Variants in ZNF197 observed in about 807,000 individuals in gnomAD.
ZNF197 encodes VHL-associated KRAB-A domain-containing protein.
Under a neutral mutation model 27.4 loss-of-function variants are expected in ZNF197, and 14 were observed. That is an observed-to-expected ratio of 0.51 (90% CI 0.34 to 0.80). The LOEUF is 0.80. Ranked by LOEUF, ZNF197 falls within the 30% of genes least tolerant of loss-of-function variation. ZNF197 has a pLI of 0.02. For synonymous variants in ZNF197, 415 were observed against 420.0 expected (o/e 0.99, Z 0.15); for missense variants, 1,090 against 1,222.6 (o/e 0.89, Z 1.62).
At position 44,643,592 on chromosome 3, in the gene ZNF197, A is replaced by G. The variant is rs747505805; in HGVS notation, c.2462A>G (p.Asn821Ser). 16 of 1,614,096 alleles carry G rather than the reference A, an allele frequency of 9.9e-6. No homozygotes were observed. Among genetic ancestry groups the G allele is most frequent in the Admixed American group, 5.0e-5 (3 of 60,006 alleles). ...IHTREKSYKC[N>S]DCGKVFSYRS... ...ACGAGGGAAAAATCTTATAAATGCA[A>G]TGACTGTGGGAAGGTCTTCAGTTAC... Residue 821 changes from asparagine to serine, a missense_variant, in exon 6 of 6, where the codon AAT becomes AGT. Physicochemically the swap from Asn to Ser is conservative, Grantham distance 46. Transcript: ENST00000344387.
Position 44,631,171 on chromosome 3 carries a change from C to A in ZNF197, c.500C>A (p.Pro167Gln), listed in dbSNP as rs537023025. 1 of 1,613,972 alleles carries A rather than the reference C, an allele frequency of 6.2e-7. No homozygotes were observed. The highest frequency in any genetic ancestry group is 8.5e-7 in the Non-Finnish European group (1 of 1,180,016). The change falls in exon 3 of 6, where the codon CCG becomes CAG. Residue 167 changes from proline (P) to glutamine (Q), a missense_variant. By Grantham distance (76) the Pro-to-Gln change is moderately conservative (BLOSUM62 -1). Transcript: ENST00000344387. ...AGCCACATAGCAGCTGAAATTTGCC[C>A]GCATCCTCCTACTGACCTAGTGGCA... is the stretch of plus-strand genomic sequence containing the variant. ...PGSHIAAEICPHPPTDLVAFN... is the reference protein window; with the variant it reads ...PGSHIAAEICQHPPTDLVAFN...
chr3:44,641,766 T>A, intron 5 of ZNF197, 134 bp from the exon 6 acceptor site: 2 of 1,044,626 alleles, frequency 1.9e-6, no homozygotes, highest in South Asian at 1.9e-5. Flanking sequence ...TGTACCTTCC[T>A]TTAATGAAAA....
At chr3:44,626,250 AT>A (rs1301877552) in intron 1 of ZNF197, among the ~76,000 whole-genome samples, 1 of 152,190 alleles carries the variant, frequency 6.6e-6, no homozygotes, top group African/African-American at 2.4e-5. Flanking sequence ...TGTTTAGACT[AT>A]TAGAAAAACC....
Position 44,644,881 on chromosome 3 carries a change from A to C in ZNF197, c.*661A>C, listed in dbSNP as rs1222568128. The C allele has an allele frequency of 2.1e-6, 2 of 966,754 alleles. No individual in the cohort carries two copies. The allele number at this position is 966,754 out of a possible 1,614,324, so 59.9% of individuals were successfully genotyped here. ...TAAATAAAAATAAATTTATTAATAA[A>C]ACTAAAAATTTAATAATAAAAAGTG... On this transcript the variant is annotated 3_prime_UTR_variant, in exon 6 of 6. Transcript: ENST00000344387.
Position 44,646,326 on chromosome 3 carries a change from T to G in ZNF197, c.*2106T>G, listed in dbSNP as rs949860284. On this transcript the variant is annotated 3_prime_UTR_variant, in exon 6 of 6. Transcript: ENST00000344387. The stretch of plus-strand genomic sequence containing the variant: ...TTATATAATAATTACAAAGGACATA[T>G]GTACTTTAACAATGGAGAATGCTGT... 45 of 985,442 alleles carry G rather than the reference T, an allele frequency of 4.6e-5. No individual in the cohort carries two copies. The African/African-American group carries it at 7.1e-4, about 16-fold the overall frequency. The allele number at this position is 985,442 out of a possible 1,614,324, so 61.0% of individuals were successfully genotyped here.
Position 44,629,118 on chromosome 3 carries a change from A to G in ZNF197, c.-37A>G, listed in dbSNP as rs1701831162. 6.4e-7 allele frequency: 1 copy of G among 1,567,490 alleles called. No homozygotes were observed. Among genetic ancestry groups the G allele is most frequent in the Admixed American group, 1.9e-5 (1 of 51,898 alleles). On this transcript the variant is annotated 5_prime_UTR_variant, in exon 2 of 6. Transcript: ENST00000344387. ...AAGGAAGAAGTCAAGGATTAAGGAG[A>G]CCTGGACTGGAGAGGAGCCTTTTTC... is the stretch of plus-strand genomic sequence containing the variant.
chr3:44,638,639 C>T (rs1176585377), intron 5 of ZNF197, among the ~76,000 whole-genome samples: 1 of 152,140 alleles, frequency 6.6e-6, no homozygotes, highest in African/African-American at 2.4e-5. Flanking sequence ...AGCAGACAGC[C>T]TTTTCTTGTT....
chr3:44,641,814 C>T, intron 5 of ZNF197, 86 bp from the exon 6 acceptor site: 10 of 1,423,050 alleles, frequency 7.0e-6, no homozygotes, highest in South Asian at 3.2e-5. Context: ...GTGTGCCTTC[C>T]TAGAATGTTT....
At position 44,645,932 on chromosome 3, in the gene ZNF197, C is replaced by T. The variant is rs760071281; in HGVS notation, c.*1712C>T. Reference sequence around the variant, plus strand: ...AGTTGGTAATTTTTATGTTGTAATTCTCAAAGTTCTGTTTCTGTAGCTGGA... The same window carrying T: ...AGTTGGTAATTTTTATGTTGTAATTTTCAAAGTTCTGTTTCTGTAGCTGGA... On this transcript the variant is annotated 3_prime_UTR_variant, in exon 6 of 6. Transcript: ENST00000344387. 5.1e-6 allele frequency: 5 copies of T among 985,256 alleles called. No homozygotes were observed. The highest frequency in any genetic ancestry group is 3.5e-5 in the African/African-American group (2 of 57,232). The allele number at this position is 985,256 out of a possible 1,614,324, so 61.0% of individuals were successfully genotyped here.
intron 5 of ZNF197, among the ~76,000 whole-genome samples, chr3:44,633,182 C>G (rs1233304136): frequency 1.3e-5 from 2 of 151,998 alleles, no homozygotes; most frequent in Non-Finnish European, 2.9e-5. Context: ...CTGAGTAATC[C>G]CACAATTCTA....
intron 5 of ZNF197, among the ~76,000 whole-genome samples, chr3:44,637,211 C>T (rs1162178749): frequency 6.6e-6 from 1 of 152,180 alleles, no homozygotes; most frequent in Non-Finnish European, 1.5e-5. Flanking sequence ...TTACTGCAGC[C>T]TTGAATTCCT....
At position 44,644,465 on chromosome 3, in the gene ZNF197, C is replaced by A. The variant is rs946994441; in HGVS notation, c.*245C>A. The A allele has an allele frequency of 1.1e-4, 104 of 948,810 alleles. No homozygotes were observed. In the African/African-American group the frequency reaches 1.6e-3, roughly 15 times the overall value. The allele number at this position is 948,810 out of a possible 1,614,324, so 58.8% of individuals were successfully genotyped here. On this transcript the variant is annotated 3_prime_UTR_variant, in exon 6 of 6. Transcript: ENST00000344387. Reference sequence around the variant, plus strand: ...ACCAGCCTGACCAACATGGTGAAACCCCATCTCTACTAAAATACAAAAATT... The same window carrying A: ...ACCAGCCTGACCAACATGGTGAAACACCATCTCTACTAAAATACAAAAATT...
At chr3:44,631,846 A>G (rs1344813364) in intron 3 of ZNF197, among the ~76,000 whole-genome samples, 2 of 152,032 alleles carry the variant, frequency 1.3e-5, no homozygotes, top group African/African-American at 4.8e-5. Flanking sequence ...GACTACAGGC[A>G]CGTGCCACCA....
chr3:44,636,827 C>T lies in ZNF197; in HGVS notation c.769+4228C>T, dbSNP rs531515239. Reference sequence around the variant, plus strand: ...CACCATTTTACACTCCTTCCAGCAGCGTATAAGGGTTCCTGTTTCTCTGCA... The same window carrying T: ...CACCATTTTACACTCCTTCCAGCAGTGTATAAGGGTTCCTGTTTCTCTGCA... On this transcript the variant is annotated intron_variant, in intron 5 of 5. Transcript: ENST00000344387. Among the ~76,000 whole-genome samples, 4 of 152,252 alleles carry T rather than the reference C, an allele frequency of 2.6e-5. No homozygotes were observed. In the East Asian group the frequency reaches 7.7e-4, roughly 29 times the overall value.
chr3:44,636,801 G>A (rs955702078), intron 5 of ZNF197, among the ~76,000 whole-genome samples: 2 of 152,134 alleles, frequency 1.3e-5, no homozygotes, highest in African/African-American at 2.4e-5. Context: ...CAAAGCAACT[G>A]CACCATTTTA....
In ZNF197 at chr3:44,643,299, C is replaced by T. The variant is rs775031017; in HGVS notation, c.2169C>T (p.Val723=). Residue 723 remains valine (V), a synonymous_variant, in exon 6 of 6, where the codon GTC becomes GTT. Coordinates refer to ENST00000344387, the MANE Select transcript of ZNF197 (RefSeq NM_006991.5). The stretch of plus-strand genomic sequence containing the variant: ...TTATTATGAGCAAAAGTTTTATGGT[C>T]CATCAGAAACTCCATACACAAGAGA... ...KTFIMSKSFM[V]HQKLHTQEKA... The T allele has an allele frequency of 6.2e-7, 1 of 1,613,594 alleles. No homozygotes were observed. Among genetic ancestry groups the T allele is most frequent in the Non-Finnish European group, 8.5e-7 (1 of 1,179,904 alleles).
Position 44,645,354 on chromosome 3 carries a change from T to TA in ZNF197, c.*1135dup. On this transcript the variant is annotated 3_prime_UTR_variant, in exon 6 of 6. Coordinates refer to ENST00000344387, the MANE Select transcript of ZNF197 (RefSeq NM_006991.5). Reference sequence around the variant, plus strand: ...AGGGGGATTCCAGGAACCTAAAAGATACTCATTTTCATAAGAGGAAGTATG... The same window carrying TA: ...AGGGGGATTCCAGGAACCTAAAAGATAACTCATTTTCATAAGAGGAAGTATG... 1.0e-6 allele frequency: 1 copy of TA among 984,808 alleles called. No homozygotes were observed. Among genetic ancestry groups the TA allele is most frequent in the East Asian group, 1.1e-4 (1 of 8,816 alleles). The allele number at this position is 984,808 out of a possible 1,614,324, so 61.0% of individuals were successfully genotyped here.
rs1702911842 is a variant in ZNF197, at chr3:44,645,621, G to A, written c.*1401G>A. On this transcript the variant is annotated 3_prime_UTR_variant, in exon 6 of 6. Coordinates refer to ENST00000344387, the MANE Select transcript of ZNF197 (RefSeq NM_006991.5). ...GGTACCCTGCTTTCCCTATTCAGAGGGAAAAAAATCCTTGACCCGCAGTTG... is the reference window on the plus strand; with the variant it reads ...GGTACCCTGCTTTCCCTATTCAGAGAGAAAAAAATCCTTGACCCGCAGTTG... 2.8e-5 allele frequency: 28 copies of A among 985,138 alleles called. No homozygotes were observed. Among genetic ancestry groups the A allele is most frequent in the African/African-American group, 2.3e-4 (13 of 57,156 alleles). 61.0% of individuals were successfully genotyped at this position (985,138 alleles called of 1,614,324 possible).
intron 5 of ZNF197, 95 bp downstream of exon 5, chr3:44,632,694 A>G: frequency 7.5e-7 from 1 of 1,330,548 alleles, no homozygotes; most frequent in Non-Finnish European, 9.8e-7. Flanking sequence ...TTTGGAAAAC[A>G]CCGAATATTA....
Sources: allele counts gnomAD v4.1 joint callset (sites outside exome capture counted in the v4.1 genomes callset), GRCh38; gene constraint gnomAD v4.1.1; transcripts MANE v1.5; gene names NCBI Gene and HGNC (gene_info 2026-07-23, HGNC 2026-07-21).